The following CLNK variants were observed in gnomAD, a reference collection of about 807,000 sequenced individuals.
The protein encoded by CLNK is cytokine dependent hematopoietic cell linker.
A neutral mutation model predicts 68.6 loss-of-function variants in CLNK; 74 were observed. The observed-to-expected ratio is 1.08, with a 90% confidence interval of 0.89 to 1.31. The LOEUF (loss-of-function observed/expected upper bound fraction) is 1.31, where lower values mean the gene tolerates loss of function less well. CLNK is among the 50% of genes most tolerant of loss of function. CLNK has a pLI of 0.00. For synonymous variants in CLNK, 198 were observed against 172.2 expected (o/e 1.15, Z -1.17); for missense variants, 553 against 515.3 (o/e 1.07, Z -0.71).
At chr4:10,699,512 A>ATT in the CLNK span, among the ~76,000 whole-genome samples, 1,742 of 32,196 alleles carry the variant, frequency 0.054, 61 homozygotes, top group South Asian at 0.094. Context: ...ATATATATAT[A>ATT]TTTTTTTTTT....
chr4:10,715,931 C>A, the CLNK span, among the ~76,000 whole-genome samples: 2 of 152,152 alleles, frequency 1.3e-5, no homozygotes, highest in African/African-American at 4.8e-5. Flanking sequence ...AAACAAACTG[C>A]CCCAGCTGCT....
chr4:10,551,289 C>T (rs1313372414), intron 8 of CLNK, among the ~76,000 whole-genome samples: 3 of 152,158 alleles, frequency 2.0e-5, no homozygotes, highest in South Asian at 2.1e-4. Flanking sequence ...CCGTTGCCCA[C>T]GCTGGAGTGC....
chr4:10,600,956 C>T (rs746519971), intron 2 of CLNK, among the ~76,000 whole-genome samples: 14 of 152,172 alleles, frequency 9.2e-5, no homozygotes, highest in Non-Finnish European at 1.6e-4. Context: ...CTGGGTGCCT[C>T]GAGAACCCAA....
At chr4:10,494,017 G>C (rs1479461906) in intron 18 of CLNK, among the ~76,000 whole-genome samples, 1 of 152,198 alleles carries the variant, frequency 6.6e-6, no homozygotes, top group African/African-American at 2.4e-5. Context: ...CTCCCTTCTA[G>C]CTTTGCCAAG....
chr4:10,675,702 A>G (rs1724843419), intron 1 of CLNK, among the ~76,000 whole-genome samples: 1 of 152,210 alleles, frequency 6.6e-6, no homozygotes, highest in Non-Finnish European at 1.5e-5. Flanking sequence ...ATTTATTTAA[A>G]AGCTTAGGAA....
At chr4:10,560,201 G>A (rs1340779120) in intron 7 of CLNK, among the ~76,000 whole-genome samples, 4 of 152,164 alleles carry the variant, frequency 2.6e-5, no homozygotes, top group African/African-American at 7.2e-5. Flanking sequence ...CTAGAACATG[G>A]AAACTGCCCA....
chr4:10,606,974 A>G (rs1207931213), intron 2 of CLNK, among the ~76,000 whole-genome samples: 13 of 152,222 alleles, frequency 8.5e-5, no homozygotes, highest in Admixed American at 8.5e-4. Flanking sequence ...AATCGTCACA[A>G]CTTCTTAAAT....
At chr4:10,629,238 C>T (rs1722794031) in intron 2 of CLNK, among the ~76,000 whole-genome samples, 1 of 152,184 alleles carries the variant, frequency 6.6e-6, no homozygotes, top group African/African-American at 2.4e-5. Flanking sequence ...AATTAATCTG[C>T]CTTTCGTGAG....
rs1442558690 is a variant in CLNK at position 10,646,312 on chromosome 4, A to G, written c.11+21547T>C. Among the ~76,000 whole-genome samples the G allele has an allele frequency of 2.0e-5, 3 of 152,210 alleles. No homozygotes were observed. In the East Asian group the frequency reaches 5.8e-4, roughly 29 times the overall value. On this transcript the variant is annotated intron_variant, in intron 2 of 18. Coordinates refer to ENST00000226951, the MANE Select transcript of CLNK (RefSeq NM_052964.4). ...CTTGAACGCTTCTTTTAAATAAAAC[A>G]CAACCCAAAAGAGAACTAAAGGCTG...
At chr4:10,707,941 A>G in the CLNK span, among the ~76,000 whole-genome samples, 2 of 152,190 alleles carry the variant, frequency 1.3e-5, no homozygotes, top group African/African-American at 4.8e-5. Context: ...TAGACCCAAA[A>G]TAGTCACCTG....
At chr4:10,582,905 C>A (rs886219765) in intron 4 of CLNK, among the ~76,000 whole-genome samples, 8 of 152,086 alleles carry the variant, frequency 5.3e-5, no homozygotes, top group African/African-American at 1.9e-4. Flanking sequence ...AGATATATAG[C>A]TTATAAATAT....
intron 16 of CLNK, among the ~76,000 whole-genome samples, chr4:10,510,760 A>G (rs954993113): frequency 3.3e-5 from 5 of 152,218 alleles, no homozygotes; most frequent in African/African-American, 1.2e-4. Context: ...CCCTCTATCT[A>G]TCAGTGATAT....
chr4:10,588,449 C>T (rs1435401240), intron 3 of CLNK, among the ~76,000 whole-genome samples: 3 of 152,176 alleles, frequency 2.0e-5, no homozygotes, highest in Admixed American at 6.5e-5. Flanking sequence ...TGTTCCCAGT[C>T]TCAGACACTT....
At chr4:10,727,415 A>C in the CLNK span, among the ~76,000 whole-genome samples, 1 of 152,232 alleles carries the variant, frequency 6.6e-6, no homozygotes, top group Admixed American at 6.5e-5. Flanking sequence ...TTTCACCAAG[A>C]CATTCACTCA....
the CLNK span, among the ~76,000 whole-genome samples, chr4:10,724,574 A>G: frequency 1.3e-5 from 2 of 151,824 alleles, no homozygotes; most frequent in Admixed American, 6.6e-5. Flanking sequence ...AGGGCTTAGA[A>G]CAATGGACAG....
chr4:10,526,699 G>C (rs922685176), intron 13 of CLNK, among the ~76,000 whole-genome samples: 3 of 152,006 alleles, frequency 2.0e-5, no homozygotes, highest in Admixed American at 2.0e-4. Context: ...TTCCGACCAG[G>C]GATACAGTTT....
intron 8 of CLNK, among the ~76,000 whole-genome samples, chr4:10,543,309 T>C (rs934206630): frequency 5.3e-5 from 8 of 152,138 alleles, no homozygotes. Flanking sequence ...ATGGGCGTGG[T>C]GTAATAAATG....
At chr4:10,542,686 A>G (rs59879594) in intron 8 of CLNK, among the ~76,000 whole-genome samples, 28,731 of 144,346 alleles carry the variant, frequency 0.2, 3,046 homozygotes, top group East Asian at 0.42. Context: ...GTGTGTGTAT[A>G]TATATATATA....
At chr4:10,526,919 C>T (rs751891448) in intron 13 of CLNK, among the ~76,000 whole-genome samples, 6 of 152,086 alleles carry the variant, frequency 3.9e-5, no homozygotes, top group Admixed American at 1.3e-4. Flanking sequence ...CAGCTGTGAC[C>T]GTAAGTAATA....
Sources: gnomAD v4.1 joint callset for allele counts (sites outside exome capture counted in the v4.1 genomes callset) on GRCh38, gnomAD v4.1.1 for gene constraint, MANE v1.5 for transcripts, NCBI Gene and HGNC (gene_info 2026-07-23, HGNC 2026-07-21) for gene names.